CNTN5: variants seen among roughly 807,000 people sequenced by gnomAD.
The protein encoded by CNTN5 is contactin 5, also known as contactin-5.
A neutral mutation model predicts 129.1 loss-of-function variants in CNTN5; 77 were observed. The observed-to-expected ratio is 0.60, with a 90% CI of 0.50 to 0.72. The LOEUF is 0.72. CNTN5 is among the 30% of genes least tolerant of loss of function. The pLI, the probability that CNTN5 is intolerant of heterozygous loss-of-function variation, is 0.00. For missense variants in CNTN5, 1,478 were observed against 1,328.8 expected (o/e 1.11, Z -1.75); for synonymous variants, 509 against 465.6 (o/e 1.09, Z -1.20).
At chr11:99,413,013 G>C (rs539759511) in intron 2 of CNTN5, among the ~76,000 whole-genome samples, 1 of 152,314 alleles carries the variant, frequency 6.6e-6, no homozygotes, top group African/African-American at 2.4e-5. Context: ...GCAGCATGTG[G>C]ATTCTACGAC....
At chr11:99,287,948 G>T (rs181740223) in intron 1 of CNTN5, among the ~76,000 whole-genome samples, 1 of 151,924 alleles carries the variant, frequency 6.6e-6, no homozygotes, top group Non-Finnish European at 1.5e-5. Flanking sequence ...TTCCAATTGC[G>T]ACAATCAAAT....
chr11:99,820,068 C>A (rs1196486656), intron 4 of CNTN5, among the ~76,000 whole-genome samples: 1 of 152,136 alleles, frequency 6.6e-6, no homozygotes, highest in Non-Finnish European at 1.5e-5. Flanking sequence ...TTGATGGTTT[C>A]ATTTCAAATG....
At chr11:100,355,126 A>G (rs1486034806) in intron 24 of CNTN5, among the ~76,000 whole-genome samples, 1 of 151,822 alleles carries the variant, frequency 6.6e-6, no homozygotes, top group Non-Finnish European at 1.5e-5. Context: ...AATAACACTT[A>G]AAACATACAT....
chr11:100,285,858 C>A (rs1234772337), intron 18 of CNTN5, among the ~76,000 whole-genome samples: 2 of 152,186 alleles, frequency 1.3e-5, no homozygotes. Context: ...GTTCATCTCA[C>A]TAGGGAGTGC....
At chr11:99,036,212 A>G (rs1863725184) in intron 1 of CNTN5, among the ~76,000 whole-genome samples, 1 of 152,128 alleles carries the variant, frequency 6.6e-6, no homozygotes, top group South Asian at 2.1e-4. Flanking sequence ...ATATTAATTT[A>G]GAAGGAAGAA....
intron 3 of CNTN5, among the ~76,000 whole-genome samples, chr11:99,770,759 A>C (rs979540481): frequency 6.6e-6 from 1 of 152,096 alleles, no homozygotes; most frequent in Non-Finnish European, 1.5e-5. Context: ...AGTTTAATGC[A>C]AACCCTATAA....
At chr11:100,038,441 T>A (rs542664635) in intron 9 of CNTN5, among the ~76,000 whole-genome samples, 1 of 152,336 alleles carries the variant, frequency 6.6e-6, no homozygotes, top group Non-Finnish European at 1.5e-5. Context: ...GAATGTATAT[T>A]CTGTTGATTT....
rs1234719454 is a variant in CNTN5, at chr11:99,556,251, G to T, written c.37G>T (p.Val13Phe). The change falls in exon 3 of 25, where the codon GTC becomes TTC. Residue 13 changes from valine to phenylalanine, a missense_variant. Val to Phe is a conservative substitution (Grantham distance 50, BLOSUM62 -1). Coordinates refer to ENST00000524871, the MANE Select transcript of CNTN5 (RefSeq NM_014361.4). ...SSWKLMLFLS[V>F]TMCLSEYSKS... ...TTGGAAACTAATGCTGTTTCTGTCA[G>T]TCACCATGTGTCTTTCAGGTAAAAG... 2.0e-6 allele frequency: 3 copies of T among 1,526,898 alleles called. No homozygotes were observed. Among genetic ancestry groups the T allele is most frequent in the Admixed American group, 4.0e-5 (2 of 49,514 alleles). 94.6% of individuals were successfully genotyped at this position (1,526,898 alleles called of 1,614,324 possible).
chr11:100,049,714 C>T (rs921593867), intron 9 of CNTN5, among the ~76,000 whole-genome samples: 9 of 152,118 alleles, frequency 5.9e-5, no homozygotes, highest in African/African-American at 1.9e-4. Context: ...AAAATTTTCA[C>T]AACCTACTCA....
intron 9 of CNTN5, among the ~76,000 whole-genome samples, chr11:100,041,755 G>C (rs973714470): frequency 2.0e-4 from 31 of 152,112 alleles, no homozygotes; most frequent in African/African-American, 7.2e-4. Context: ...AAAAACAATG[G>C]TAAAAACATA....
At chr11:100,180,593 A>G (rs1047277706) in intron 13 of CNTN5, among the ~76,000 whole-genome samples, 6 of 152,034 alleles carry the variant, frequency 3.9e-5, no homozygotes, top group Admixed American at 2.6e-4. Flanking sequence ...TGATTCCAAA[A>G]GTATGATCTA....
At chr11:99,522,865 G>T (rs566734542) in intron 2 of CNTN5, among the ~76,000 whole-genome samples, 1 of 151,788 alleles carries the variant, frequency 6.6e-6, no homozygotes, top group South Asian at 2.1e-4. Flanking sequence ...GTGCCTTCTC[G>T]CCCTTCCTTC....
At chr11:99,995,709 A>G (rs1414260729) in intron 8 of CNTN5, among the ~76,000 whole-genome samples, 1 of 152,340 alleles carries the variant, frequency 6.6e-6, no homozygotes, top group Non-Finnish European at 1.5e-5. Flanking sequence ...CAGTCTCCTC[A>G]GAGAAGCATC....
intron 3 of CNTN5, among the ~76,000 whole-genome samples, chr11:99,792,724 TG>T (rs1444666888): frequency 6.6e-6 from 1 of 152,172 alleles, no homozygotes; most frequent in African/African-American, 2.4e-5. Context: ...TTTATACATC[TG>T]GCAGAATTAA....
intron 2 of CNTN5, among the ~76,000 whole-genome samples, chr11:99,349,474 T>C (rs536169919): frequency 6.6e-6 from 1 of 152,314 alleles, no homozygotes; most frequent in Admixed American, 6.5e-5. Context: ...CTGAATTTAA[T>C]CTGACTTAGT....
intron 2 of CNTN5, among the ~76,000 whole-genome samples, chr11:99,383,961 C>A (rs1353945189): frequency 2.6e-5 from 4 of 152,082 alleles, no homozygotes; most frequent in Non-Finnish European, 5.9e-5. Context: ...TGAAGTTCAG[C>A]CTCCAAGAAA....
intron 2 of CNTN5, among the ~76,000 whole-genome samples, chr11:99,477,955 A>G (rs1373448907): frequency 1.3e-5 from 2 of 152,172 alleles, no homozygotes; most frequent in Admixed American, 1.3e-4. Context: ...TGTGAATATT[A>G]TAGAGACACA....
intron 8 of CNTN5, among the ~76,000 whole-genome samples, chr11:99,958,847 A>G (rs1004601291): frequency 1.3e-5 from 2 of 152,096 alleles, no homozygotes; most frequent in Non-Finnish European, 2.9e-5. Flanking sequence ...GTATAATAAT[A>G]CTTTATATTT....
intron 3 of CNTN5, among the ~76,000 whole-genome samples, chr11:99,712,974 T>G (rs1955059927): frequency 2.0e-5 from 3 of 152,094 alleles, no homozygotes; most frequent in African/African-American, 7.2e-5. Context: ...CTTTTTTTTG[T>G]TTCCAAATGA....
Sources: gnomAD v4.1 joint callset for allele counts (sites outside exome capture counted in the v4.1 genomes callset) on GRCh38, gnomAD v4.1.1 for gene constraint, MANE v1.5 for transcripts, NCBI Gene and HGNC (gene_info 2026-07-23, HGNC 2026-07-21) for gene names.